Variants in CARS2 observed in about 807,000 individuals in gnomAD.
The protein encoded by CARS2 is probable cysteine--tRNA ligase, mitochondrial.
Under a neutral mutation model 68.8 loss-of-function variants are expected in CARS2, and 52 were observed. The ratio of observed to expected loss-of-function variants is 0.76; its 90% CI spans 0.61 to 0.95. The LOEUF (loss-of-function observed/expected upper bound fraction) is 0.95. Ranked by LOEUF, CARS2 falls within the 40% of genes least tolerant of loss-of-function variation. The pLI, the probability that CARS2 is intolerant of heterozygous loss-of-function variation, is 0.00. For synonymous variants in CARS2, 314 were observed against 303.6 expected, an observed-to-expected ratio of 1.03 and a Z score of -0.36; for missense variants, 780 against 754.2, an observed-to-expected ratio of 1.03 and a Z score of -0.40.
chr13:110,648,100 C>T (rs1888383128), intron 10 of CARS2, among the ~76,000 whole-genome samples: 3 of 152,220 alleles, frequency 2.0e-5, no homozygotes, highest in Admixed American at 6.5e-5. Flanking sequence ...GACATGGCTT[C>T]AAGCTGGAAG....
chr13:110,645,907 A>G (rs1472153595), intron 12 of CARS2, 60 bp downstream of exon 12: 2 of 1,573,460 alleles, frequency 1.3e-6, no homozygotes, highest in Non-Finnish European at 1.7e-6. Flanking sequence ...AAAACCCACC[A>G]GAGGACCCGA....
chr13:110,671,892 A>C (rs943196792), intron 7 of CARS2, among the ~76,000 whole-genome samples: 5 of 152,034 alleles, frequency 3.3e-5, no homozygotes, highest in African/African-American at 1.2e-4. Context: ...AAAGGAAAAC[A>C]AAAAAAAGCA....
intron 7 of CARS2, among the ~76,000 whole-genome samples, chr13:110,675,449 A>G (rs912200507): frequency 6.6e-6 from 1 of 152,212 alleles, no homozygotes; most frequent in East Asian, 1.9e-4. Flanking sequence ...TGAGCAAACT[A>G]TCACAAGGAC....
intron 3 of CARS2, among the ~76,000 whole-genome samples, chr13:110,696,308 A>G (rs1344020856): frequency 6.6e-6 from 1 of 152,196 alleles, no homozygotes; most frequent in Admixed American, 6.5e-5. Flanking sequence ...GCTGGGTTAA[A>G]TGGTATTTCT....
At chr13:110,652,637 G>GCC (rs1162694068) in intron 9 of CARS2, among the ~76,000 whole-genome samples, 3 of 152,198 alleles carry the variant, frequency 2.0e-5, no homozygotes, top group Admixed American at 6.5e-5. Flanking sequence ...AAGGAGCTCA[G>GCC]CCCCCACCCC....
At chr13:110,707,767 T>G (rs1298568326), upstream of CARS2, 1 of 152,192 alleles carries the variant, frequency 6.6e-6, no homozygotes, top group East Asian at 1.9e-4. Context: ...TTTGTTGTTG[T>G]TTTTAGTTTG....
chr13:110,706,126 C>A, upstream of CARS2: 1 of 1,281,010 alleles, frequency 7.8e-7, no homozygotes, highest in African/African-American at 1.6e-5. Context: ...TGGGCGGAGA[C>A]GGGAGCCACG....
intron 3 of CARS2, among the ~76,000 whole-genome samples, chr13:110,694,401 C>T (rs2063561228): frequency 6.6e-6 from 1 of 151,624 alleles, no homozygotes; most frequent in African/African-American, 2.4e-5. Context: ...ACTTGGGAGG[C>T]TGAGGCAGCT....
intron 6 of CARS2, among the ~76,000 whole-genome samples, chr13:110,679,756 G>A (rs1385700668): frequency 6.6e-6 from 1 of 151,942 alleles, no homozygotes; most frequent in Non-Finnish European, 1.5e-5. Context: ...TTTAAGATGA[G>A]CCAGGAATAT....
At position 110,705,971 on chromosome 13, in the gene CARS2, G is replaced by A. The variant is rs1167964442; in HGVS notation, c.123C>T (p.Ala41=). 5 of 1,520,140 alleles carry A rather than the reference G, an allele frequency of 3.3e-6. No homozygotes were observed. Among genetic ancestry groups the A allele is most frequent in the Non-Finnish European group, 4.4e-6 (5 of 1,137,974 alleles). 94.2% of individuals were successfully genotyped at this position (1,520,140 alleles called of 1,614,324 possible). ...TCTCCCGGCCCGTGGGCTGCAGCCA[G>A]GCCCGCCCGCGCCCCCCGCTCGCCG... The part of the protein sequence containing the change: ...GRAASGGRGR[A]WLQPTGRETG... Residue 41 remains alanine (A), a synonymous_variant, in exon 1 of 15, where the codon GCC becomes GCT. Coordinates refer to ENST00000257347, the MANE Select transcript of CARS2 (RefSeq NM_024537.4). The surrounding 1 kb of genome is among the most constrained non-coding windows in gnomAD (Gnocchi z 4.0).
Position 110,642,403 on chromosome 13 carries a change from C to T in CARS2, c.1535G>A (p.Arg512Gln), listed in dbSNP as rs200491395. ...LAMPEATGDA[R>Q]RQQLLERQPL... is the part of the protein sequence containing the mutation. ...CTGCCTTTCTAGGAGCTGCTGCCGC[C>T]GGGCGTCCCCCGTGGCCTCGGGCAT... is the stretch of plus-strand genomic sequence containing the variant. The change falls in exon 14 of 15, where the codon CGG (arginine) becomes CAG (glutamine). Residue 512 changes from arginine (R) to glutamine (Q), a missense_variant. Arg to Gln is a conservative substitution (Grantham distance 43). Transcript: ENST00000257347. 1.6e-4 allele frequency: 255 copies of T among 1,582,326 alleles called. No homozygotes were observed. Among genetic ancestry groups the T allele is most frequent in the East Asian group, 1.6e-3 (68 of 43,092 alleles).
At chr13:110,667,136 T>C (rs1275047526) in intron 8 of CARS2, among the ~76,000 whole-genome samples, 2 of 152,210 alleles carry the variant, frequency 1.3e-5, no homozygotes, top group African/African-American at 4.8e-5. Context: ...CATATTCTAG[T>C]CAGTTCCAAA....
At chr13:110,712,480 T>A (rs1226101422) in intron 1 of CARS2, 3 of 216,642 alleles carry the variant, frequency 1.4e-5, no homozygotes, top group Non-Finnish European at 2.8e-5. Context: ...AGGCGGGAAG[T>A]GCACAAAGGC....
At chr13:110,664,582 T>C in intron 8 of CARS2, 1 of 965,010 alleles carries the variant, frequency 1.0e-6, no homozygotes, top group African/African-American at 1.8e-5. Flanking sequence ...AAAACATATA[T>C]AACTTTGAAC....
chr13:110,712,531 G>GGC (rs67646887), intron 1 of CARS2: 6 of 163,888 alleles, frequency 3.7e-5, no homozygotes, highest in African/African-American at 1.5e-4. Context: ...TTGGCCGGAA[G>GGC]GGGGGGGGCC....
chr13:110,701,595 A>G (rs1160493766), intron 2 of CARS2, 40 bp from the exon 3 acceptor site: 1 of 884,442 alleles, frequency 1.1e-6, no homozygotes, highest in Admixed American at 1.7e-5. Context: ...TATTACACAA[A>G]GTCATCAGTT....
chr13:110,680,938 C>T (rs1400243661), intron 6 of CARS2, among the ~76,000 whole-genome samples: 3 of 152,202 alleles, frequency 2.0e-5, no homozygotes, highest in Admixed American at 6.5e-5. Context: ...AGGCAGGGCC[C>T]GGGAGGTTAT....
In CARS2 at chr13:110,644,401, G is replaced by T. The variant is rs1456089145; in HGVS notation, c.1400C>A (p.Ser467Tyr). Residue 467 changes from serine (S) to tyrosine (Y), a missense_variant, in exon 13 of 15, where the codon TCT becomes TAT. Transcript: ENST00000257347. The part of the protein sequence containing the change: ...FEQFFETVGI[S>Y]LANQQYVSGD... ...AGGACCTACCTGTTGATTTGCCAGA[G>T]AAATTCCAACAGTTTCAAAAAACTG... The T allele has an allele frequency of 3.1e-6, 5 of 1,613,822 alleles. No homozygotes were observed. Among genetic ancestry groups the T allele is most frequent in the African/African-American group, 1.3e-5 (1 of 74,916 alleles).
upstream of CARS2, among the ~76,000 whole-genome samples, chr13:110,710,515 T>C (rs1299957863): frequency 6.6e-6 from 1 of 152,234 alleles, no homozygotes; most frequent in African/African-American, 2.4e-5. Flanking sequence ...CCATTTGAAA[T>C]TTCTGTTCTA....
Sources: gnomAD v4.1 joint callset for allele counts (sites outside exome capture counted in the v4.1 genomes callset) on GRCh38, gnomAD v4.1.1 for gene constraint, Gnocchi (gnomAD v3.1) non-coding constraint, MANE v1.5 for transcripts, NCBI Gene and HGNC (gene_info 2026-07-23, HGNC 2026-07-21) for gene names.